Variants in MED15 observed in about 807,000 individuals in gnomAD.
The protein encoded by MED15 is mediator complex subunit 15.
A neutral mutation model predicts 118.7 loss-of-function variants in MED15; 41 were observed. The observed-to-expected ratio is 0.35, with a 90% CI of 0.27 to 0.45. The LOEUF (loss-of-function observed/expected upper bound fraction) is 0.45, where lower values mean the gene tolerates loss of function less well. Ranked by LOEUF, MED15 falls within the 20% of genes least tolerant of loss-of-function variation. MED15 has a pLI of 1.00. For missense variants in MED15, 740 were observed against 1,025.5 expected (o/e 0.72, Z 3.80); for synonymous variants, 436 against 413.9 (o/e 1.05, Z -0.65).
At chr22:20,524,103 C>T (rs978370892) in intron 1 of MED15, among the ~76,000 whole-genome samples, 20 of 152,068 alleles carry the variant, frequency 1.3e-4, no homozygotes, top group African/African-American at 4.8e-4. Context: ...AGTAAAAGAA[C>T]CAGAATGTAG....
intron 9 of MED15, among the ~76,000 whole-genome samples, chr22:20,581,025 C>T (rs964309027): frequency 2.0e-5 from 3 of 152,332 alleles, no homozygotes; most frequent in East Asian, 3.9e-4. Flanking sequence ...TCCATTCCAT[C>T]GGTTGATGTC....
chr22:20,564,002 A>T (rs1384503549), intron 5 of MED15, among the ~76,000 whole-genome samples: 2 of 152,228 alleles, frequency 1.3e-5, no homozygotes, highest in African/African-American at 2.4e-5. Context: ...GTAGTAGAAT[A>T]TTATTTGGCG....
chr22:20,541,099 C>T lies in MED15; in HGVS notation c.156+3895C>T, dbSNP rs1476917482. On this transcript the variant is annotated intron_variant, in intron 2 of 17. Coordinates refer to ENST00000263205, the MANE Select transcript of MED15 (RefSeq NM_001003891.3). ...AAAAAAGGAAAAAAAATTAGCCAGG[C>T]GTGGTGGTGGGCGCCTGTAGTCCCA... 3.9e-5 allele frequency among the ~76,000 whole-genome samples: 6 copies of T among 152,036 alleles called. No individual in the cohort carries two copies. In the East Asian group the frequency reaches 7.7e-4, roughly 20 times the overall value.
rs780667975 is a variant in MED15, at chr22:20,585,244, C to G, written c.2108C>G (p.Thr703Ser). Residue 703 changes from threonine (T) to serine (S), a missense_variant, in exon 16 of 18, where the codon ACT (threonine) becomes AGT (serine). Coordinates refer to ENST00000263205, the MANE Select transcript of MED15 (RefSeq NM_001003891.3). ...CCTTCTCACTGCAGCAACAATGGCACTGTCCACCTGATCTGCAAGCTGGGT... is the reference window on the plus strand; with the variant it reads ...CCTTCTCACTGCAGCAACAATGGCAGTGTCCACCTGATCTGCAAGCTGGGT... Reference protein sequence around the residue: ...LDPSHCSNNGTVHLICKLDDK... With the variant: ...LDPSHCSNNGSVHLICKLDDK... The G allele has an allele frequency of 1.9e-6, 3 of 1,613,590 alleles. No homozygotes were observed. The highest frequency in any genetic ancestry group is 2.5e-6 in the Non-Finnish European group (3 of 1,179,928).
At chr22:20,523,240 C>T (rs892676722) in intron 1 of MED15, among the ~76,000 whole-genome samples, 6 of 152,206 alleles carry the variant, frequency 3.9e-5, no homozygotes, top group African/African-American at 1.4e-4. Context: ...AGGTTGTGTT[C>T]TCTCCCTGGA....
intron 5 of MED15, among the ~76,000 whole-genome samples, chr22:20,563,338 G>A (rs964879835): frequency 1.3e-5 from 2 of 152,188 alleles, no homozygotes; most frequent in Non-Finnish European, 2.9e-5. Flanking sequence ...TGAGGTGCTT[G>A]TACCATGGAA....
At chr22:20,585,395 C>T in intron 16 of MED15, 128 bp downstream of exon 16, 2 of 1,241,544 alleles carry the variant, frequency 1.6e-6, no homozygotes, top group Non-Finnish European at 2.2e-6. Context: ...GCCAGGCTGT[C>T]TGCTCTATCC....
At chr22:20,567,588 G>T (rs570417744) in intron 7 of MED15, among the ~76,000 whole-genome samples, 5 of 152,294 alleles carry the variant, frequency 3.3e-5, no homozygotes, top group Non-Finnish European at 5.9e-5. Context: ...CCTGGGAGTC[G>T]ACACACTGCC....
chr22:20,559,449 T>A (rs2056143536), intron 5 of MED15, among the ~76,000 whole-genome samples: 1 of 152,136 alleles, frequency 6.6e-6, no homozygotes, highest in Non-Finnish European at 1.5e-5. Flanking sequence ...GAAATTCTAA[T>A]TGGCATCCAA....
chr22:20,541,310 C>G (rs2055299665), intron 2 of MED15, among the ~76,000 whole-genome samples: 1 of 151,988 alleles, frequency 6.6e-6, no homozygotes, highest in Non-Finnish European at 1.5e-5. Context: ...TTGAATAAAC[C>G]TATCTCCAAA....
intron 1 of MED15, among the ~76,000 whole-genome samples, chr22:20,524,064 TAAAA>T (rs1187074111): frequency 6.6e-6 from 1 of 152,186 alleles, no homozygotes; most frequent in East Asian, 1.9e-4. Flanking sequence ...TTTATCTTGT[TAAAA>T]AAACACTTTT....
intron 9 of MED15, among the ~76,000 whole-genome samples, chr22:20,577,856 G>C (rs2056867299): frequency 6.6e-6 from 1 of 152,136 alleles, no homozygotes; most frequent in Non-Finnish European, 1.5e-5. Context: ...TTTATGGAAA[G>C]AGGAAGGAAG....
intron 1 of MED15, among the ~76,000 whole-genome samples, chr22:20,522,475 G>A (rs2054497475): frequency 6.6e-6 from 1 of 152,180 alleles, no homozygotes; most frequent in Non-Finnish European, 1.5e-5. Context: ...GGAATGGAAA[G>A]GCTGATCTAG....
chr22:20,566,966 T>C lies in MED15; in HGVS notation c.1041+149T>C. The C allele has an allele frequency of 1.4e-6, 2 of 1,403,714 alleles. 1 individual carries two copies. Among genetic ancestry groups the C allele is most frequent in the Non-Finnish European group, 1.9e-6 (2 of 1,046,202 alleles). 87.0% of individuals were successfully genotyped at this position (1,403,714 alleles called of 1,614,324 possible). On this transcript the variant is annotated intron_variant, in intron 7 of 17. Transcript: ENST00000263205. ...CACCCCTTGCCAGCCCTGCCGACTC[T>C]AGCATGGCTCAGCAGGGAAGCATGT...
At chr22:20,578,717 A>C (rs1462346725) in intron 9 of MED15, among the ~76,000 whole-genome samples, 4 of 151,992 alleles carry the variant, frequency 2.6e-5, no homozygotes, top group Non-Finnish European at 2.9e-5. Context: ...CCAGATGGCC[A>C]CTCTGTGGCC....
At chr22:20,566,055 C>CT (rs993957604) in intron 6 of MED15, among the ~76,000 whole-genome samples, 4 of 100,292 alleles carry the variant, frequency 4.0e-5, no homozygotes, top group East Asian at 3.4e-4. Context: ...TTTTTTGAGA[C>CT]TTTTTTTTGC....
chr22:20,539,367 TC>T (rs1463586355), intron 2 of MED15, among the ~76,000 whole-genome samples: 5 of 152,238 alleles, frequency 3.3e-5, no homozygotes, highest in African/African-American at 1.2e-4. Flanking sequence ...TGCCTTGGCC[TC>T]CCAAAGTACT....
chr22:20,519,290 T>C (rs1239992226), intron 1 of MED15, among the ~76,000 whole-genome samples: 4 of 152,112 alleles, frequency 2.6e-5, no homozygotes, highest in African/African-American at 7.2e-5. Flanking sequence ...ATGACTCTCT[T>C]TCTAGTCTAG....
chr22:20,536,700 C>A (rs915606683), intron 1 of MED15, among the ~76,000 whole-genome samples: 6 of 152,242 alleles, frequency 3.9e-5, no homozygotes, highest in Admixed American at 3.9e-4. Flanking sequence ...AGTCTAGAAC[C>A]AGGGTGCTAC....
Sources: gnomAD v4.1 joint callset for allele counts (sites outside exome capture counted in the v4.1 genomes callset) on GRCh38, gnomAD v4.1.1 for gene constraint, MANE v1.5 for transcripts, NCBI Gene and HGNC (gene_info 2026-07-23, HGNC 2026-07-21) for gene names.